Variants in ADGRL3 observed in about 807,000 individuals in gnomAD.
The protein encoded by ADGRL3 is calcium-independent alpha-latrotoxin receptor 3.
A neutral mutation model predicts 153.5 loss-of-function variants in ADGRL3; 62 were observed. The observed-to-expected ratio is 0.40, with a 90% CI of 0.33 to 0.50. ADGRL3 has a LOEUF of 0.50. ADGRL3 is among the 20% of genes least tolerant of loss of function. ADGRL3 has a pLI of 0.47. For missense variants in ADGRL3, 1,641 were observed against 1,859.4 expected, an observed-to-expected ratio of 0.88 and a Z score of 2.16; for synonymous variants, 710 against 672.5, an observed-to-expected ratio of 1.06 and a Z score of -0.86.
At chr4:61,912,845 T>C in intron 13 of ADGRL3, 88 bp downstream of exon 13, 1 of 1,222,478 alleles carries the variant, frequency 8.2e-7, no homozygotes, top group Non-Finnish European at 1.2e-6. Flanking sequence ...AAAATGATAA[T>C]GTACCTTACT....
intron 6 of ADGRL3, among the ~76,000 whole-genome samples, chr4:61,699,343 A>G (rs1288233801): frequency 1.3e-5 from 2 of 152,170 alleles, no homozygotes; most frequent in Non-Finnish European, 2.9e-5. Flanking sequence ...TTTCTTAGCA[A>G]TTATAATATT....
intron 2 of ADGRL3, among the ~76,000 whole-genome samples, chr4:61,474,454 G>T (rs1322728625): frequency 2.0e-5 from 3 of 152,044 alleles, no homozygotes; most frequent in African/African-American, 7.2e-5. Context: ...GGACACTGAG[G>T]TAATTTATTT....
intron 5 of ADGRL3, among the ~76,000 whole-genome samples, chr4:61,595,818 A>C (rs1373596789): frequency 6.6e-6 from 1 of 151,854 alleles, no homozygotes; most frequent in African/African-American, 2.4e-5. Flanking sequence ...CTTGCATGAA[A>C]CCCAAGTTCC....
intron 4 of ADGRL3, among the ~76,000 whole-genome samples, chr4:61,522,693 A>G (rs1180136908): frequency 6.6e-6 from 1 of 152,120 alleles, no homozygotes; most frequent in Non-Finnish European, 1.5e-5. Context: ...TGATGAACAC[A>G]AAGGTAAATG....
At chr4:61,460,583 C>A (rs902406883) in intron 2 of ADGRL3, among the ~76,000 whole-genome samples, 2 of 151,988 alleles carry the variant, frequency 1.3e-5, no homozygotes, top group Non-Finnish European at 2.9e-5. Context: ...GTGTATTAGT[C>A]AGTTCCCATG....
intron 4 of ADGRL3, among the ~76,000 whole-genome samples, chr4:61,543,277 A>T (rs1027627845): frequency 1.3e-5 from 2 of 151,970 alleles, no homozygotes; most frequent in Admixed American, 1.3e-4. Context: ...ATTATCCTGG[A>T]TTATGTAGAT....
intron 3 of ADGRL3, among the ~76,000 whole-genome samples, chr4:61,504,862 A>G (rs1018433680): frequency 6.6e-6 from 1 of 152,040 alleles, no homozygotes; most frequent in African/African-American, 2.4e-5. Context: ...TCATTCATTG[A>G]TGGACACTTA....
At chr4:61,584,568 T>C (rs2098938842) in intron 4 of ADGRL3, among the ~76,000 whole-genome samples, 1 of 152,040 alleles carries the variant, frequency 6.6e-6, no homozygotes, top group African/African-American at 2.4e-5. Context: ...ATTTTTTTGT[T>C]ACATTAACCT....
chr4:62,022,354 C>T (rs923557882), intron 21 of ADGRL3, among the ~76,000 whole-genome samples: 4 of 152,074 alleles, frequency 2.6e-5, no homozygotes, highest in South Asian at 4.1e-4. Flanking sequence ...AGGAAAGAAG[C>T]CAGCTCCATA....
chr4:61,844,497 A>G (rs1449668964), intron 9 of ADGRL3, among the ~76,000 whole-genome samples: 1 of 139,278 alleles, frequency 7.2e-6, no homozygotes, highest in Admixed American at 7.5e-5. Context: ...CAGTGAGCCA[A>G]GATCATGCCA....
At position 62,037,797 on chromosome 4, in the gene ADGRL3, A is replaced by G; in HGVS notation, c.3658A>G (p.Ile1220Val). Residue 1220 changes from isoleucine to valine, a missense_variant, in exon 24 of 27, where the codon ATT becomes GTT. Ile to Val is a conservative substitution (Grantham distance 29). Transcript: ENST00000683033. Reference protein sequence around the residue: ...CCSGKSTESSIGSGKTSGSRT... With the variant: ...CCSGKSTESSVGSGKTSGSRT... Reference sequence around the variant, plus strand: ...TAGTGGCAAAAGTACAGAGAGTTCCATTGGTTCAGGGAAAACATCTGGTTC... The same window carrying G: ...TAGTGGCAAAAGTACAGAGAGTTCCGTTGGTTCAGGGAAAACATCTGGTTC... 6.2e-7 allele frequency: 1 copy of G among 1,613,766 alleles called. No homozygotes were observed. The highest frequency in any genetic ancestry group is 1.1e-5 in the South Asian group (1 of 91,084).
rs975311396 is a variant in ADGRL3, at chr4:61,207,791, A to C, written c.-240+6026A>C. On this transcript the variant is annotated intron_variant, in intron 1 of 26. Coordinates refer to ENST00000683033, the MANE Select transcript of ADGRL3 (RefSeq NM_001387552.1). ...TTGTGGTTTTGATTTGCATTTCTCTAATGTAGGTCATTAATTTTTAAGAGT... is the reference window on the plus strand; with the variant it reads ...TTGTGGTTTTGATTTGCATTTCTCTCATGTAGGTCATTAATTTTTAAGAGT... 2.0e-5 allele frequency among the ~76,000 whole-genome samples: 3 copies of C among 152,054 alleles called. No individual in the cohort carries two copies. In the East Asian group the frequency reaches 5.8e-4, roughly 29 times the overall value.
At chr4:61,635,936 C>T (rs1465492505) in intron 5 of ADGRL3, among the ~76,000 whole-genome samples, 1 of 152,052 alleles carries the variant, frequency 6.6e-6, no homozygotes, top group Non-Finnish European at 1.5e-5. Context: ...CACTGCTGCA[C>T]TATATACAAG....
intron 4 of ADGRL3, among the ~76,000 whole-genome samples, chr4:61,524,017 G>A (rs1438097846): frequency 6.6e-6 from 1 of 152,040 alleles, no homozygotes. Context: ...AAACTATTGA[G>A]CATCTGCCAT....
At chr4:61,983,686 C>T in intron 19 of ADGRL3, 83 bp downstream of exon 19, 1 of 1,206,742 alleles carries the variant, frequency 8.3e-7, no homozygotes, top group Non-Finnish European at 1.2e-6. Context: ...CTTTATATTA[C>T]CTCACAGTGA....
intron 8 of ADGRL3, among the ~76,000 whole-genome samples, chr4:61,801,900 A>T (rs992693574): frequency 2.0e-5 from 3 of 152,102 alleles, no homozygotes; most frequent in African/African-American, 4.8e-5. Flanking sequence ...ATATATGTAA[A>T]ATATATATGA....
chr4:61,982,767 T>G (rs1219302412), intron 18 of ADGRL3, among the ~76,000 whole-genome samples: 3 of 152,198 alleles, frequency 2.0e-5, no homozygotes, highest in Admixed American at 2.0e-4. Context: ...CATTTAATTT[T>G]AAGCAGATCC....
chr4:61,991,605 C>T (rs1289181836), intron 19 of ADGRL3, among the ~76,000 whole-genome samples: 1 of 151,908 alleles, frequency 6.6e-6, no homozygotes, highest in Admixed American at 6.6e-5. Flanking sequence ...CTAGTCTTGA[C>T]CACCACTGAT....
chr4:61,443,992 CGTGA>C lies in ADGRL3; in HGVS notation c.-173-53125_-173-53122del, dbSNP rs150445388. ...TAGTATCAGTGTGTGCCTGAATCAG[CGTGA>C]GTGTCATTGAGAAACAATGACAGGA... On this transcript the variant is annotated intron_variant, in intron 2 of 26. Transcript: ENST00000683033. Among the ~76,000 whole-genome samples, 1,403 of 151,596 alleles carry C rather than the reference CGTGA, an allele frequency of 9.3e-3. 23 individuals are homozygous for C. The highest frequency in any genetic ancestry group is 0.03 in the African/African-American group (1,220 of 41,320).
Sources: gnomAD v4.1 joint callset for allele counts (sites outside exome capture counted in the v4.1 genomes callset) on GRCh38, gnomAD v4.1.1 for gene constraint, MANE v1.5 for transcripts, NCBI Gene and HGNC (gene_info 2026-07-23, HGNC 2026-07-21) for gene names.